CT45A1: variants seen among roughly 807,000 people sequenced by gnomAD.
The protein encoded by CT45A1 is cancer/testis antigen 45-1.
At chrX:135,711,443 T>A (rs1275186927), upstream of CT45A1, among the ~76,000 whole-genome samples, 1 of 110,612 alleles carries the variant, frequency 9.0e-6, no homozygotes, top group African/African-American at 3.3e-5. Context: ...AATTTTAATT[T>A]ATTTATTTTA....
Position 135,715,350 on chromosome X carries a change from T to TTATATATAA in CT45A1, c.-7+1662_-7+1663insTATATAATA, listed in dbSNP as rs2087973617. Among the ~76,000 whole-genome samples, 16 of 32,700 alleles carry TTATATATAA rather than the reference T, an allele frequency of 4.9e-4. 1 individual carries two copies. The highest frequency in any genetic ancestry group is 1.7e-3 in the South Asian group (1 of 583). 28.4% of individuals were successfully genotyped at this position (32,700 alleles called of 115,157 possible). ...CTTATATATTATATATATATAATAC[T>TTATATATAA]TACATATAATACTTATATATATAAT... On this transcript the variant is annotated intron_variant, in intron 1 of 4. Transcript: ENST00000594565.
intron 1 of CT45A1, among the ~76,000 whole-genome samples, chrX:135,717,927 G>A (rs1163322506): frequency 1.8e-5 from 2 of 111,808 alleles, no homozygotes; most frequent in Non-Finnish European, 3.8e-5. Flanking sequence ...TGATGCTACA[G>A]CACTTTTTAG....
chrX:135,710,939 G>A (rs2087930601), upstream of CT45A1, among the ~76,000 whole-genome samples: 1 of 111,884 alleles, frequency 8.9e-6, no homozygotes, highest in Non-Finnish European at 1.9e-5. Context: ...GTGGGACACA[G>A]CCTATGCATG....
At chrX:135,716,872 G>C (rs1285153280) in intron 1 of CT45A1, among the ~76,000 whole-genome samples, 1 of 111,436 alleles carries the variant, frequency 9.0e-6, no homozygotes, top group Non-Finnish European at 1.9e-5. Flanking sequence ...TTTATTAAAA[G>C]CACTGTCTTT....
chrX:135,709,871 T>C (rs781825423), upstream of CT45A1, among the ~76,000 whole-genome samples: 179 of 111,946 alleles, frequency 1.6e-3, 1 homozygote, highest in African/African-American at 5.6e-3. Context: ...CTTCTGGTAT[T>C]TATAATTTTA....
chrX:135,716,142 C>T (rs1249543955), intron 1 of CT45A1, among the ~76,000 whole-genome samples: 1 of 111,281 alleles, frequency 9.0e-6, no homozygotes, highest in Non-Finnish European at 1.9e-5. Context: ...GATAAACATA[C>T]GTGTGCATGT....
At chrX:135,711,545 C>T (rs1442368541), upstream of CT45A1, among the ~76,000 whole-genome samples, 2 of 111,441 alleles carry the variant, frequency 1.8e-5, no homozygotes, top group South Asian at 3.8e-4. Context: ...AGTGATTCTC[C>T]TGCCTCTGCC....
At chrX:135,716,741 A>G (rs1435118567) in intron 1 of CT45A1, among the ~76,000 whole-genome samples, 1 of 111,538 alleles carries the variant, frequency 9.0e-6, no homozygotes, top group Non-Finnish European at 1.9e-5. Context: ...TGCCTATACT[A>G]TAGTTGTGAA....
In CT45A1 at chrX:135,713,701, A is replaced by T. The variant is rs41300199; in HGVS notation, c.-7+11A>T. ...CTCTCCTCCAGCAAGGTCAGGACTTAAGGACTGTGAGTGGGGCAGTTTTTC... is the reference window on the plus strand; with the variant it reads ...CTCTCCTCCAGCAAGGTCAGGACTTTAGGACTGTGAGTGGGGCAGTTTTTC... On this transcript the variant is annotated intron_variant, in intron 1 of 4. Coordinates refer to ENST00000594565, the MANE Select transcript of CT45A1 (RefSeq NM_001017417.3). The T allele has an allele frequency of 1.3e-6, 1 of 744,386 alleles. No homozygotes were observed. The highest frequency in any genetic ancestry group is 1.6e-6 in the Non-Finnish European group (1 of 632,295). The allele number at this position is 744,386 out of a possible 1,213,427, so 61.3% of individuals were successfully genotyped here.
At chrX:135,717,472 T>C (rs2489994) in intron 1 of CT45A1, among the ~76,000 whole-genome samples, 21,467 of 109,447 alleles carry the variant, frequency 0.2, 1,690 homozygotes, top group Non-Finnish European at 0.25. Context: ...TTGCTTGAAC[T>C]CAGGAGGTGG....
At chrX:135,712,056 A>G (rs5929686), upstream of CT45A1, among the ~76,000 whole-genome samples, 20,992 of 108,548 alleles carry the variant, frequency 0.19, 1,680 homozygotes, top group Non-Finnish European at 0.24. Flanking sequence ...ACTCCAGCCT[A>G]GGTGACAGAG....
At chrX:135,710,278 T>C (rs782240011), upstream of CT45A1, 1 of 111,525 alleles carries the variant, frequency 9.0e-6, no homozygotes, top group South Asian at 3.9e-4. Context: ...GGCCTACAGG[T>C]TTTCTTGCAG....
chrX:135,712,914 CTTTCT>C (rs1159890739), upstream of CT45A1, among the ~76,000 whole-genome samples: 106 of 102,258 alleles, frequency 1.0e-3, no homozygotes, highest in East Asian at 0.027. Context: ...TTCTTTCTTT[CTTTCT>C]TTTCTTTTCT....
At chrX:135,708,488 T>C in the CT45A1 span, among the ~76,000 whole-genome samples, 5 of 110,527 alleles carry the variant, frequency 4.5e-5, no homozygotes, top group Non-Finnish European at 7.6e-5. Context: ...GGGTGTGTGG[T>C]ACGGCTCCCT....
intron 1 of CT45A1, among the ~76,000 whole-genome samples, chrX:135,713,950 C>T (rs1183772930): frequency 9.7e-6 from 1 of 103,326 alleles, no homozygotes; most frequent in Admixed American, 1.0e-4. Context: ...GGCTCTGTCT[C>T]GGTGATGCTA....
upstream of CT45A1, chrX:135,713,330 T>C (rs1198472819): frequency 2.6e-5 from 4 of 156,065 alleles, no homozygotes; most frequent in Non-Finnish European, 4.1e-5. Flanking sequence ...CTTATGTTGC[T>C]GTGCAGTTGT....
intron 1 of CT45A1, among the ~76,000 whole-genome samples, chrX:135,718,622 A>T (rs1222087887): frequency 2.7e-5 from 3 of 110,182 alleles, no homozygotes; most frequent in Non-Finnish European, 5.7e-5. Flanking sequence ...GGGTTAATAC[A>T]GATTGGCTTA....
chrX:135,717,171 T>C (rs1222044822), intron 1 of CT45A1, among the ~76,000 whole-genome samples: 1 of 112,212 alleles, frequency 8.9e-6, no homozygotes, highest in Non-Finnish European at 1.9e-5. Flanking sequence ...AGAAAAACTT[T>C]TGTTAACATG....
chrX:135,717,982 GT>G (rs1306955995), intron 1 of CT45A1, among the ~76,000 whole-genome samples: 1 of 111,875 alleles, frequency 8.9e-6, no homozygotes, highest in African/African-American at 3.3e-5. Context: ...TCTTTGTCTT[GT>G]TTTCAAACTC....
Sources: gnomAD v4.1 joint callset for allele counts (sites outside exome capture counted in the v4.1 genomes callset) on GRCh38, gnomAD v4.1.1 for gene constraint, MANE v1.5 for transcripts, NCBI Gene and HGNC (gene_info 2026-07-23, HGNC 2026-07-21) for gene names.